C9orf72: variants seen among roughly 807,000 people sequenced by gnomAD.
C9orf72 encodes C9orf72-SMCR8 complex subunit, also known as guanine nucleotide exchange factor C9orf72.
C9orf72 carries 44 observed loss-of-function variants against 51.6 expected under a neutral mutation model. The ratio of observed to expected loss-of-function variants is 0.85; its 90% CI spans 0.67 to 1.10. C9orf72 has a LOEUF of 1.10. Among genes scored for constraint, C9orf72 ranks in the 50% least tolerant of loss-of-function variants. The pLI, the probability that C9orf72 is intolerant of heterozygous loss-of-function variation, is 0.00. For missense variants in C9orf72, 607 were observed against 570.6 expected (o/e 1.06, Z -0.65); for synonymous variants, 213 against 194.2 (o/e 1.10, Z -0.81).
At chr9:27,561,460 A>G in intron 5 of C9orf72, 125 bp downstream of exon 5, 1 of 1,296,644 alleles carries the variant, frequency 7.7e-7, no homozygotes, top group Non-Finnish European at 9.7e-7. Flanking sequence ...AACAGTTCAA[A>G]TACGTAATGT....
intron 7 of C9orf72, among the ~76,000 whole-genome samples, chr9:27,557,885 T>C (rs752901818): frequency 2.6e-5 from 4 of 151,844 alleles, no homozygotes; most frequent in African/African-American, 9.7e-5. Context: ...CACATAACCA[T>C]TAGGAAAGCT....
chr9:27,551,644 G>A (rs1246976570), intron 8 of C9orf72, among the ~76,000 whole-genome samples: 2 of 152,222 alleles, frequency 1.3e-5, no homozygotes, highest in East Asian at 1.9e-4. Flanking sequence ...GAAAGAAACC[G>A]TAAAGGGGAA....
Position 27,548,293 on chromosome 9 carries a change from G to A in C9orf72, c.1389C>T (p.Ile463=). The change falls in exon 11 of 11, where the codon ATC becomes ATT. Residue 463 remains isoleucine (I), a synonymous_variant. Coordinates refer to ENST00000380003, the MANE Select transcript of C9orf72 (RefSeq NM_018325.5). ...EKIKPGLHSF[I]FGRPFYTSVQ... is the part of the protein sequence containing the mutation. ...CACTAGTGTAGAAAGGTCTTCCAAA[G>A]ATAAAAGAGTGTAGGCCTGGTTTAA... is the stretch of plus-strand genomic sequence containing the variant. 10 of 1,613,256 alleles carry A rather than the reference G, an allele frequency of 6.2e-6. No homozygotes were observed. Among genetic ancestry groups the A allele is most frequent in the Non-Finnish European group, 8.5e-6 (10 of 1,179,504 alleles).
intron 1 of C9orf72, among the ~76,000 whole-genome samples, chr9:27,572,604 C>T (rs551122307): frequency 6.6e-6 from 1 of 152,190 alleles, no homozygotes. Flanking sequence ...TCTCCCAGAG[C>T]CTAACAATCT....
chr9:27,551,660 T>C (rs185111998), intron 8 of C9orf72, among the ~76,000 whole-genome samples: 31 of 152,354 alleles, frequency 2.0e-4, no homozygotes, highest in African/African-American at 6.3e-4. Context: ...GGGAAAAATA[T>C]TAGCATTTCG....
intron 5 of C9orf72, chr9:27,561,220 T>C (rs1819339143): frequency 9.6e-7 from 1 of 1,043,826 alleles, no homozygotes; most frequent in South Asian, 2.8e-5. Flanking sequence ...AAGATCAGTA[T>C]AAATATGAAT....
chr9:27,566,865 C>T lies in C9orf72; in HGVS notation c.256G>A (p.Val86Ile), dbSNP rs1023923990. The change falls in exon 2 of 11, where the codon GTC becomes ATC. Residue 86 changes from valine to isoleucine, a missense_variant. Coordinates refer to ENST00000380003, the MANE Select transcript of C9orf72 (RefSeq NM_018325.5). ...ATAATCACTCCCTTTTCAGACAAGA[C>T]AAAAAACTTTACATCTATAGCACCA... ...ESGAIDVKFF[V>I]LSEKGVIIVS... The T allele has an allele frequency of 1.9e-6, 3 of 1,613,822 alleles. No homozygotes were observed. Among genetic ancestry groups the T allele is most frequent in the Non-Finnish European group, 2.5e-6 (3 of 1,179,924 alleles).
rs1238917613 is a variant in C9orf72, at chr9:27,547,997, T to G, written c.*239A>C. 3 of 305,754 alleles carry G rather than the reference T, an allele frequency of 9.8e-6. No homozygotes were observed. Among genetic ancestry groups the G allele is most frequent in the African/African-American group, 6.4e-5 (3 of 46,612 alleles). 18.9% of individuals were successfully genotyped at this position (305,754 alleles called of 1,614,324 possible). A position where few individuals can be genotyped will look rare whatever the true frequency, so the allele number is the denominator to read the frequency against. ...TTTAAAAGATAGCAATAATATTTAT[T>G]ATATTGTAAACATAGGTCTGTATCC... On this transcript the variant is annotated 3_prime_UTR_variant, in exon 11 of 11. Coordinates refer to ENST00000380003, the MANE Select transcript of C9orf72 (RefSeq NM_018325.5).
intron 9 of C9orf72, among the ~76,000 whole-genome samples, chr9:27,550,020 T>A (rs1481305241): frequency 4.6e-5 from 7 of 150,788 alleles, no homozygotes; most frequent in Admixed American, 4.6e-4. Context: ...ATATAAAAAA[T>A]ATATTACACT....
chr9:27,562,267 A>AT lies in C9orf72; in HGVS notation c.600+113dup, dbSNP rs1819367547. 8 of 408,794 alleles carry AT rather than the reference A, an allele frequency of 2.0e-5. No individual in the cohort carries two copies. In the South Asian group the frequency reaches 8.8e-4, roughly 45 times the overall value. 25.3% of individuals were successfully genotyped at this position (408,794 alleles called of 1,614,324 possible). A position where few individuals can be genotyped will look rare whatever the true frequency, so the allele number is the denominator to read the frequency against. On this transcript the variant is annotated intron_variant, in intron 4 of 10. Transcript: ENST00000380003. ...CTAAAGTGGCTAATACTGTATGTGA[A>AT]TAGTATGTATGACAAAGTCCTTACT...
Position 27,566,674 on chromosome 9 carries a change from T to C in C9orf72, c.444+3A>G, listed in dbSNP as rs866861178. 6.4e-7 allele frequency: 1 copy of C among 1,571,302 alleles called. No individual in the cohort carries two copies. Among genetic ancestry groups the C allele is most frequent in the Middle Eastern group, 1.7e-4 (1 of 5,786 alleles). On this transcript the variant is annotated splice_donor_region_variant and intron_variant, in intron 2 of 10. Coordinates refer to ENST00000380003, the MANE Select transcript of C9orf72 (RefSeq NM_018325.5). ...ATGATTAATAAGCTGAAAAATCACTTACCTTATGCATCCATATTCTTCCTT... is the reference window on the plus strand; with the variant it reads ...ATGATTAATAAGCTGAAAAATCACTCACCTTATGCATCCATATTCTTCCTT...
chr9:27,564,727 C>CTTT (rs1223232242), intron 3 of C9orf72, among the ~76,000 whole-genome samples: 1 of 151,146 alleles, frequency 6.6e-6, no homozygotes, highest in African/African-American at 2.4e-5. Flanking sequence ...CTCATTCATG[C>CTTT]TAAAAAGAAG....
intron 8 of C9orf72, among the ~76,000 whole-genome samples, chr9:27,555,387 C>T (rs572721410): frequency 1.3e-5 from 2 of 152,248 alleles, no homozygotes; most frequent in Admixed American, 6.5e-5. Flanking sequence ...TTAACACTTA[C>T]TGTGTAATTA....
At chr9:27,549,753 G>A (rs1343758793) in intron 9 of C9orf72, among the ~76,000 whole-genome samples, 8 of 145,208 alleles carry the variant, frequency 5.5e-5, no homozygotes, top group Non-Finnish European at 1.2e-4. Context: ...GTCATTTCAG[G>A]CAAATAAACA....
intron 3 of C9orf72, among the ~76,000 whole-genome samples, chr9:27,564,347 T>G (rs930415314): frequency 1.3e-5 from 2 of 152,116 alleles, no homozygotes; most frequent in African/African-American, 4.8e-5. Context: ...AAGTAAAGGT[T>G]TCTGGTTTGA....
At chr9:27,564,952 T>A (rs1819431635) in intron 3 of C9orf72, among the ~76,000 whole-genome samples, 1 of 152,210 alleles carries the variant, frequency 6.6e-6, no homozygotes, top group Non-Finnish European at 1.5e-5. Context: ...AAACTCTTAG[T>A]GTCTGTTCCT....
intron 3 of C9orf72, 94 bp downstream of exon 3, chr9:27,565,437 C>A (rs1048622805): frequency 4.1e-5 from 30 of 729,470 alleles, no homozygotes; most frequent in Non-Finnish European, 6.7e-5. Flanking sequence ...AAGGCTTATT[C>A]GTATGTCTCC....
chr9:27,548,464 AG>A, intron 10 of C9orf72, 42 bp from the exon 11 acceptor site: 3 of 1,228,946 alleles, frequency 2.4e-6, no homozygotes, highest in South Asian at 3.2e-5. Context: ...AAAAAAAAGA[AG>A]CGCAAAAATT....
chr9:27,572,927 G>C (rs770674522), intron 1 of C9orf72, among the ~76,000 whole-genome samples: 4 of 152,144 alleles, frequency 2.6e-5, no homozygotes, highest in Non-Finnish European at 4.4e-5. Context: ...CTAGAAGCTT[G>C]GGCTGAAATT....
Sources: allele counts gnomAD v4.1 joint callset (sites outside exome capture counted in the v4.1 genomes callset), GRCh38; gene constraint gnomAD v4.1.1; transcripts MANE v1.5; gene names NCBI Gene and HGNC (gene_info 2026-07-23, HGNC 2026-07-21).